The following LEPR variants were observed in gnomAD, a reference collection of about 807,000 sequenced individuals.
The protein encoded by LEPR is OB receptor.
Under a neutral mutation model 114.7 loss-of-function variants are expected in LEPR, and 56 were observed. The observed-to-expected ratio is 0.49, with a 90% CI of 0.39 to 0.61. The LOEUF (loss-of-function observed/expected upper bound fraction) is 0.61, where lower values mean the gene tolerates loss of function less well. LEPR is among the 20% of genes least tolerant of loss of function. The pLI is 0.00. For synonymous variants in LEPR, 443 were observed against 461.4 expected (o/e 0.96, Z 0.51); for missense variants, 1,202 against 1,352.9 (o/e 0.89, Z 1.75).
At chr1:65,436,116 T>C in intron 2 of LEPR, 1 of 971,952 alleles carries the variant, frequency 1.0e-6, no homozygotes, top group Non-Finnish European at 1.2e-6. Flanking sequence ...TTTTTGTCTG[T>C]ATAATCTTAA....
At chr1:65,542,584 G>T (rs1332712964) in intron 2 of LEPR, among the ~76,000 whole-genome samples, 1 of 150,474 alleles carries the variant, frequency 6.6e-6, no homozygotes, top group African/African-American at 2.5e-5. Flanking sequence ...ACCTACATTA[G>T]ATATTTCTCC....
At position 65,640,379 on chromosome 1, in the gene LEPR, G is replaced by A. The variant is rs1658828051; in HGVS notation, c.*3364G>A. The A allele has an allele frequency of 6.6e-6, 1 of 152,134 alleles. No individual in the cohort carries two copies. Among genetic ancestry groups the A allele is most frequent in the African/African-American group, 2.4e-5 (1 of 41,408 alleles). 9.4% of individuals were successfully genotyped at this position (152,134 alleles called of 1,614,324 possible). ...TTGTTTCACTTTTCATCTTTCAAGG[G>A]TCATCTTGATAGTTACCTTAACAAA... On this transcript the variant is annotated 3_prime_UTR_variant, in exon 20 of 20. Coordinates refer to ENST00000349533, the MANE Select transcript of LEPR (RefSeq NM_002303.6).
Position 65,637,090 on chromosome 1 carries a change from A to G in LEPR, c.*75A>G. 6.9e-7 allele frequency: 1 copy of G among 1,453,470 alleles called. No individual in the cohort carries two copies. The highest frequency in any genetic ancestry group is 2.3e-5 in the East Asian group (1 of 43,818). The allele number at this position is 1,453,470 out of a possible 1,614,324, so 90.0% of individuals were successfully genotyped here. A position where few individuals can be genotyped will look rare whatever the true frequency, so the allele number is the denominator to read the frequency against. On this transcript the variant is annotated 3_prime_UTR_variant, in exon 20 of 20. Coordinates refer to ENST00000349533, the MANE Select transcript of LEPR (RefSeq NM_002303.6). The stretch of plus-strand genomic sequence containing the variant: ...GTAATAGATTATAGTTGTGGGTGGG[A>G]GAGAGAAAAGAAACCAGAGTCAAAT...
At chr1:65,464,452 T>C (rs1322331944) in intron 2 of LEPR, among the ~76,000 whole-genome samples, 2 of 152,218 alleles carry the variant, frequency 1.3e-5, no homozygotes, top group Admixed American at 6.5e-5. Flanking sequence ...GATTTTTGCG[T>C]TGATGTTCAT....
chr1:65,594,633 A>G (rs182720174), intron 6 of LEPR, among the ~76,000 whole-genome samples: 3 of 152,216 alleles, frequency 2.0e-5, no homozygotes, highest in Admixed American at 2.0e-4. Context: ...TGAGATGTCT[A>G]TTGGAAACCT....
intron 2 of LEPR, chr1:65,432,545 G>A (rs1646500641): frequency 1.2e-6 from 1 of 855,012 alleles, no homozygotes. Context: ...AACCTCTCTG[G>A]GTGTTACCTG....
chr1:65,602,105 G>T (rs1272819948), intron 10 of LEPR, 145 bp downstream of exon 10: 2 of 764,364 alleles, frequency 2.6e-6, no homozygotes, highest in Non-Finnish European at 4.6e-6. Context: ...ATTTTTGAGG[G>T]ATTATATAAA....
In LEPR at chr1:65,449,260, C is replaced by CTTT. The variant is rs201429452; in HGVS notation, c.-21+23898_-21+23900dup. Among the ~76,000 whole-genome samples the CTTT allele has an allele frequency of 2.1e-3, 246 of 118,518 alleles. 1 individual carries two copies. The highest frequency in any genetic ancestry group is 6.7e-3 in the African/African-American group (213 of 31,832). 77.8% of individuals were successfully genotyped at this position (118,518 alleles called of 152,430 possible). The stretch of plus-strand genomic sequence containing the variant: ...CTAGAGGCTTAGTGGTTTTATTTAT[C>CTTT]TTTTTTTTTTTTTTTTTTGCTGAGG... On this transcript the variant is annotated intron_variant, in intron 2 of 19. Transcript: ENST00000349533.
chr1:65,488,298 C>CTT (rs758882235), intron 2 of LEPR, among the ~76,000 whole-genome samples: 12 of 143,808 alleles, frequency 8.3e-5, no homozygotes, highest in African/African-American at 3.2e-4. Context: ...CTCTCTCTCT[C>CTT]TCTCTTTCTC....
At chr1:65,607,989 T>C (rs1329109350) in intron 11 of LEPR, among the ~76,000 whole-genome samples, 10 of 152,194 alleles carry the variant, frequency 6.6e-5, no homozygotes, top group Admixed American at 6.5e-4. Context: ...CAGACCATCT[T>C]TGCCTCTATT....
At chr1:65,499,924 G>A (rs149104891) in intron 2 of LEPR, among the ~76,000 whole-genome samples, 3 of 151,962 alleles carry the variant, frequency 2.0e-5, no homozygotes, top group African/African-American at 7.3e-5. Flanking sequence ...GACCTAGTTG[G>A]GCTGTGTCCC....
chr1:65,618,279 C>A, intron 16 of LEPR, 133 bp downstream of exon 16: 1 of 653,906 alleles, frequency 1.5e-6, no homozygotes, highest in Non-Finnish European at 2.4e-6. Flanking sequence ...TACATATAAT[C>A]CTATAACCTT....
At chr1:65,449,242 C>T (rs1570467732) in intron 2 of LEPR, among the ~76,000 whole-genome samples, 1 of 145,376 alleles carries the variant, frequency 6.9e-6, no homozygotes, top group African/African-American at 2.6e-5. Context: ...TAGCTAGAGG[C>T]TTAGTGGTTT....
intron 2 of LEPR, among the ~76,000 whole-genome samples, chr1:65,466,407 T>C (rs1361134480): frequency 1.3e-5 from 2 of 152,232 alleles, no homozygotes; most frequent in Non-Finnish European, 1.5e-5. Flanking sequence ...GTTAGTCTGA[T>C]GGGCTTCTCT....
intron 17 of LEPR, 52 bp downstream of exon 17, chr1:65,620,075 G>T (rs1657783761): frequency 7.3e-7 from 1 of 1,361,146 alleles, no homozygotes; most frequent in African/African-American, 1.4e-5. Flanking sequence ...TGCCTAATTT[G>T]TTTGCAGTAA....
At chr1:65,549,017 C>G (rs895517571) in intron 2 of LEPR, among the ~76,000 whole-genome samples, 8 of 151,792 alleles carry the variant, frequency 5.3e-5, no homozygotes, top group African/African-American at 1.9e-4. Context: ...GTGACAAAAT[C>G]TCTCAGCATT....
intron 2 of LEPR, among the ~76,000 whole-genome samples, chr1:65,471,722 C>G (rs936380813): frequency 6.6e-6 from 1 of 152,134 alleles, no homozygotes; most frequent in Non-Finnish European, 1.5e-5. Context: ...ATGAACTCTT[C>G]TGGCAAAGAT....
intron 2 of LEPR, among the ~76,000 whole-genome samples, chr1:65,550,172 AAGTTTT>A (rs1652186305): frequency 6.6e-6 from 1 of 152,000 alleles, no homozygotes; most frequent in Non-Finnish European, 1.5e-5. Context: ...CTTCCTCTGG[AAGTTTT>A]GTCTCAGAGG....
Position 65,592,659 on chromosome 1 carries a change from C to T in LEPR, c.497C>T (p.Pro166Leu). 6.2e-7 allele frequency: 1 copy of T among 1,612,758 alleles called. No homozygotes were observed. The highest frequency in any genetic ancestry group is 8.5e-7 in the Non-Finnish European group (1 of 1,179,188). ...NYKVHLLYVL[P>L]EVLEDSPLVP... ...TTAGCTCTTATTTTTCAATATAGGC[C>T]TGAAGTGTTAGAAGATTCACCTCTG... The change falls in exon 6 of 20, where the codon CCT becomes CTT. Residue 166 changes from proline (P) to leucine (L), a missense_variant and splice_region_variant. Coordinates refer to ENST00000349533, the MANE Select transcript of LEPR (RefSeq NM_002303.6).
Sources: gnomAD v4.1 joint callset for allele counts (sites outside exome capture counted in the v4.1 genomes callset) on GRCh38, gnomAD v4.1.1 for gene constraint, MANE v1.5 for transcripts, NCBI Gene and HGNC (gene_info 2026-07-23, HGNC 2026-07-21) for gene names.